Variants in ATXN1 observed in about 807,000 individuals in gnomAD.
The protein encoded by ATXN1 is ataxin-1.
ATXN1 carries 8 observed loss-of-function variants against 56.4 expected under a neutral mutation model. The ratio of observed to expected loss-of-function variants is 0.14; its 90% confidence interval spans 0.08 to 0.26. The LOEUF is 0.26. Ranked by LOEUF, ATXN1 falls within the 10% of genes least tolerant of loss-of-function variation. The pLI is 1.00. For synonymous variants in ATXN1, 514 were observed against 494.6 expected, an observed-to-expected ratio of 1.04 and a Z score of -0.52; for missense variants, 987 against 1,106.5, an observed-to-expected ratio of 0.89 and a Z score of 1.53.
intron 2 of ATXN1, chr6:16,737,797 G>A (rs1760189565): frequency 6.6e-6 from 1 of 152,108 alleles, no homozygotes; most frequent in Admixed American, 6.5e-5. Context: ...TATAAACAAT[G>A]AACAGGTTGG....
chr6:16,415,203 T>C (rs1229003947), intron 6 of ATXN1, among the ~76,000 whole-genome samples: 2 of 152,198 alleles, frequency 1.3e-5, no homozygotes, highest in East Asian at 3.8e-4. Context: ...TATTAGGCAG[T>C]GAAACAATAA....
chr6:16,439,617 A>T (rs1759472746), intron 6 of ATXN1, among the ~76,000 whole-genome samples: 1 of 152,126 alleles, frequency 6.6e-6, no homozygotes. Flanking sequence ...ACAAATAAAA[A>T]ATTGAGCTTG....
intron 2 of ATXN1, among the ~76,000 whole-genome samples, chr6:16,710,282 A>G (rs1242374581): frequency 6.6e-6 from 1 of 152,230 alleles, no homozygotes; most frequent in Non-Finnish European, 1.5e-5. Context: ...ACAGGGAAAC[A>G]TTCCTGGCAG....
chr6:16,630,382 A>G (rs76494113), intron 3 of ATXN1, among the ~76,000 whole-genome samples: 1,955 of 152,256 alleles, frequency 0.013, 19 homozygotes, highest in Non-Finnish European at 0.018. Flanking sequence ...TAGCCCACAT[A>G]CCCATAAAAA....
At chr6:16,739,032 C>G (rs565920809) in intron 2 of ATXN1, 1 of 152,252 alleles carries the variant, frequency 6.6e-6, no homozygotes, top group South Asian at 2.1e-4. Context: ...ATGGGCTGAA[C>G]TCCCAACGAG....
At chr6:16,461,072 T>A (rs1759984466) in intron 6 of ATXN1, among the ~76,000 whole-genome samples, 1 of 152,088 alleles carries the variant, frequency 6.6e-6, no homozygotes, top group South Asian at 2.1e-4. Flanking sequence ...GCTGAAGCCA[T>A]CAAAAAGGTG....
intron 7 of ATXN1, among the ~76,000 whole-genome samples, chr6:16,311,131 C>T (rs1175018785): frequency 1.3e-5 from 2 of 152,168 alleles, no homozygotes; most frequent in African/African-American, 4.8e-5. Flanking sequence ...AGTGCCTACT[C>T]TCTGTCAAGC....
intron 1 of ATXN1, 59 bp from the exon 2 acceptor site, chr6:16,753,406 C>A (rs929748211): frequency 2.9e-5 from 13 of 451,958 alleles, no homozygotes; most frequent in East Asian, 2.1e-4. Context: ...GAATAGACTG[C>A]TTTAAAAAAT....
rs193922926 is a variant in ATXN1 at position 16,327,684 on chromosome 6, ATGCTGCTGCTGC to A, written c.615_626del (p.Gln205_Gln208del). 2.0e-4 allele frequency: 298 copies of A among 1,474,032 alleles called. 1 individual carries two copies. The East Asian group carries it at 2.3e-3, about 11-fold the overall frequency. 91.3% of individuals were successfully genotyped at this position (1,474,032 alleles called of 1,614,324 possible). A position where few individuals can be genotyped will look rare whatever the true frequency, so the allele number is the denominator to read the frequency against. ...GCTGCTGCTGCTGCTGCTGATGCTG[ATGCTGCTGCTGC>A]TGCTGCTGCTGCTGCTGCTGCTGCT... On this transcript the variant is annotated inframe_deletion, in exon 7 of 8. Transcript: ENST00000436367.
chr6:16,702,996 A>G (rs1759320445), intron 2 of ATXN1, among the ~76,000 whole-genome samples: 1 of 152,060 alleles, frequency 6.6e-6, no homozygotes, highest in Admixed American at 6.5e-5. Context: ...TACCAAAAGG[A>G]GTATAAATCA....
In ATXN1 at chr6:16,613,133, C is replaced by T. The variant is rs1461546728; in HGVS notation, c.-488-27226G>A. Among the ~76,000 whole-genome samples the T allele has an allele frequency of 3.9e-4, 59 of 149,646 alleles. 1 individual carries two copies. The East Asian group carries it at 8.6e-3, about 22-fold the overall frequency. On this transcript the variant is annotated intron_variant, in intron 3 of 7. Coordinates refer to ENST00000436367, the MANE Select transcript of ATXN1 (RefSeq NM_001128164.2). ...ACAAAAAATTAGCCGGGCGCGGTGGCGGGCGCCTGTAGTCCCAGCCACTCG... is the reference window on the plus strand; with the variant it reads ...ACAAAAAATTAGCCGGGCGCGGTGGTGGGCGCCTGTAGTCCCAGCCACTCG...
intron 6 of ATXN1, among the ~76,000 whole-genome samples, chr6:16,437,963 A>C (rs1239009749): frequency 1.3e-5 from 2 of 152,178 alleles, no homozygotes; most frequent in Non-Finnish European, 2.9e-5. Context: ...AAGATGTGAC[A>C]CTTCTGGTCG....
At chr6:16,697,441 C>G (rs1759187579) in intron 2 of ATXN1, among the ~76,000 whole-genome samples, 1 of 152,072 alleles carries the variant, frequency 6.6e-6, no homozygotes, top group Non-Finnish European at 1.5e-5. Flanking sequence ...TTTTTAACAG[C>G]ACTCTTTTTT....
intron 6 of ATXN1, among the ~76,000 whole-genome samples, chr6:16,439,209 G>C (rs576459191): frequency 7.3e-5 from 11 of 151,714 alleles, no homozygotes; most frequent in Non-Finnish European, 1.3e-4. Flanking sequence ...AAAAAGCAGA[G>C]AGTTCCTTTA....
intron 6 of ATXN1, among the ~76,000 whole-genome samples, chr6:16,398,638 G>C (rs972711557): frequency 2.6e-5 from 4 of 151,904 alleles, no homozygotes; most frequent in African/African-American, 4.8e-5. Context: ...TTTGTTTTTC[G>C]CCTCCTCCAG....
intron 6 of ATXN1, among the ~76,000 whole-genome samples, chr6:16,344,116 A>G (rs181193494): frequency 1.7e-4 from 25 of 151,218 alleles, no homozygotes; most frequent in Non-Finnish European, 3.5e-4. Context: ...CTTCCATGTC[A>G]CCTCCTTAAG....
chr6:16,547,796 G>A (rs1761842528), intron 4 of ATXN1, among the ~76,000 whole-genome samples: 1 of 152,144 alleles, frequency 6.6e-6, no homozygotes, highest in Non-Finnish European at 1.5e-5. Context: ...ACAAGGAGAT[G>A]AGTCATATCA....
chr6:16,346,100 A>G (rs1367690228), intron 6 of ATXN1, among the ~76,000 whole-genome samples: 1 of 152,158 alleles, frequency 6.6e-6, no homozygotes, highest in East Asian at 1.9e-4. Context: ...CAGTAGCCAG[A>G]GCTGGAGCGC....
intron 4 of ATXN1, among the ~76,000 whole-genome samples, chr6:16,574,813 C>T (rs1762393957): frequency 6.7e-6 from 1 of 148,456 alleles, no homozygotes; most frequent in South Asian, 2.1e-4. Context: ...AGTTTTTGCA[C>T]CAAACAGGCT....
Sources: gnomAD v4.1 joint callset for allele counts (sites outside exome capture counted in the v4.1 genomes callset) on GRCh38, gnomAD v4.1.1 for gene constraint, MANE v1.5 for transcripts, NCBI Gene and HGNC (gene_info 2026-07-23, HGNC 2026-07-21) for gene names.